The following DEPDC5 variants were observed in gnomAD, a reference collection of about 807,000 sequenced individuals.
DEPDC5 encodes GATOR1 complex protein DEPDC5.
In DEPDC5, 73 loss-of-function variants were observed where a neutral mutation model predicts 217.3. The ratio of observed to expected loss-of-function variants is 0.34; its 90% CI spans 0.28 to 0.41. The LOEUF (loss-of-function observed/expected upper bound fraction) is 0.41. Ranked by LOEUF, DEPDC5 falls within the 10% of genes least tolerant of loss-of-function variation. The pLI is 1.00. For synonymous variants in DEPDC5, 733 were observed against 756.7 expected, an observed-to-expected ratio of 0.97 and a Z score of 0.51; for missense variants, 1,675 against 2,070.1, an observed-to-expected ratio of 0.81 and a Z score of 3.70.
Position 31,815,852 on chromosome 22 carries a change from T to G in DEPDC5, c.1666+640T>G, listed in dbSNP as rs933435445. 3 of 1,128,264 alleles carry G rather than the reference T, an allele frequency of 2.7e-6. No individual in the cohort carries two copies. In the African/African-American group the frequency reaches 4.9e-5, roughly 18 times the overall value. 69.9% of individuals were successfully genotyped at this position (1,128,264 alleles called of 1,614,324 possible). On this transcript the variant is annotated intron_variant, in intron 21 of 42. Transcript: ENST00000651528. ...ACCCTGCCTCTATTATACTATTTTT[T>G]GTTTAGCCTTTCTTCATCCATCATT...
intron 14 of DEPDC5, among the ~76,000 whole-genome samples, chr22:31,799,178 G>A (rs912270510): frequency 3.3e-5 from 5 of 150,886 alleles, no homozygotes; most frequent in Admixed American, 3.3e-4. Context: ...TGAGTATCTG[G>A]GATTACAGGT....
chr22:31,828,622 A>G (rs1012050262), intron 24 of DEPDC5, among the ~76,000 whole-genome samples: 2 of 151,930 alleles, frequency 1.3e-5, no homozygotes, highest in African/African-American at 4.8e-5. Context: ...CTTTTTTTCA[A>G]AGACTTGGGT....
chr22:31,828,408 C>T (rs1038063049), intron 24 of DEPDC5, among the ~76,000 whole-genome samples: 3 of 142,700 alleles, frequency 2.1e-5, no homozygotes, highest in Admixed American at 7.5e-5. Flanking sequence ...GCCAAGGTCA[C>T]GCCATTGCAC....
chr22:31,811,346 A>G lies in DEPDC5; in HGVS notation c.1445+705A>G, dbSNP rs368471359. Among the ~76,000 whole-genome samples, 93 of 152,320 alleles carry G rather than the reference A, an allele frequency of 6.1e-4. 3 individuals are homozygous for G. The South Asian group carries it at 0.019, about 32-fold the overall frequency. On this transcript the variant is annotated intron_variant, in intron 20 of 42. Coordinates refer to ENST00000651528, the MANE Select transcript of DEPDC5 (RefSeq NM_001242896.3). ...CGGCCTCCCTAAGTGCTGGGATTACAGGTGTGAGCCACCATGCCTGGCTGG... is the reference window on the plus strand; with the variant it reads ...CGGCCTCCCTAAGTGCTGGGATTACGGGTGTGAGCCACCATGCCTGGCTGG...
At chr22:31,804,956 G>T in intron 17 of DEPDC5, 41 bp downstream of exon 17, 1 of 1,559,188 alleles carries the variant, frequency 6.4e-7, no homozygotes, top group South Asian at 1.2e-5. Context: ...TAAGCGTTTT[G>T]AACAGCTTCC....
chr22:31,758,542 T>C lies in DEPDC5; in HGVS notation c.59-4T>C. On this transcript the variant is annotated splice_region_variant and splice_polypyrimidine_tract_variant and intron_variant, in intron 2 of 42. Transcript: ENST00000651528. ...CTACTTGAAGTGGCTGAATTGTCTT[T>C]CAGATGATGAGCTAGTTGTGAACCC... The C allele has an allele frequency of 6.2e-7, 1 of 1,614,086 alleles. No homozygotes were observed. The highest frequency in any genetic ancestry group is 2.2e-5 in the East Asian group (1 of 44,884).
At chr22:31,850,249 A>G (rs1246195542) in intron 31 of DEPDC5, among the ~76,000 whole-genome samples, 3 of 151,876 alleles carry the variant, frequency 2.0e-5, no homozygotes, top group African/African-American at 4.8e-5. Context: ...GACATGATAC[A>G]TGATGTTATA....
chr22:31,902,762 T>A (rs1472513537), intron 41 of DEPDC5, among the ~76,000 whole-genome samples: 1 of 152,068 alleles, frequency 6.6e-6, no homozygotes. Flanking sequence ...GCCTCCATTT[T>A]CTTACCCCTC....
intron 10 of DEPDC5, 107 bp downstream of exon 10, chr22:31,784,982 A>G (rs1238767751): frequency 1.0e-6 from 1 of 954,574 alleles, no homozygotes; most frequent in East Asian, 2.6e-5. Flanking sequence ...TATTTTAGGT[A>G]AAACCCGGAC....
intron 33 of DEPDC5, among the ~76,000 whole-genome samples, chr22:31,866,006 A>T (rs551071977): frequency 6.6e-6 from 1 of 152,134 alleles, no homozygotes; most frequent in African/African-American, 2.4e-5. Flanking sequence ...CACAGTGGAG[A>T]GCTGGGCTGG....
intron 25 of DEPDC5, 175 bp downstream of exon 25, chr22:31,834,155 T>G (rs1167675989): frequency 1.4e-5 from 10 of 711,424 alleles, no homozygotes; most frequent in Non-Finnish European, 2.5e-5. Context: ...TGATGGAAAG[T>G]GAGGGGGTGT....
In DEPDC5 at chr22:31,897,783, A is replaced by G. The variant is rs2093579677; in HGVS notation, c.4375+130A>G. 11 of 1,081,780 alleles carry G rather than the reference A, an allele frequency of 1.0e-5. No homozygotes were observed. In the South Asian group the frequency reaches 1.6e-4, roughly 16 times the overall value. The allele number at this position is 1,081,780 out of a possible 1,614,324, so 67.0% of individuals were successfully genotyped here. On this transcript the variant is annotated intron_variant, in intron 40 of 42. Transcript: ENST00000651528. Reference sequence around the variant, plus strand: ...AGCCTTTCAACAAGGGGCCAAAAGGATCAAGGTTCTAAAGGATCCTGATTC... The same window carrying G: ...AGCCTTTCAACAAGGGGCCAAAAGGGTCAAGGTTCTAAAGGATCCTGATTC...
chr22:31,774,108 T>A (rs1010842388), intron 7 of DEPDC5, among the ~76,000 whole-genome samples: 6 of 151,642 alleles, frequency 4.0e-5, no homozygotes, highest in African/African-American at 9.7e-5. Flanking sequence ...CAACAAAAAA[T>A]ATATATATAG....
intron 9 of DEPDC5, chr22:31,784,473 A>T: frequency 4.4e-6 from 1 of 226,964 alleles, no homozygotes; most frequent in South Asian, 6.2e-5. Flanking sequence ...TACTAAAAAT[A>T]CAAAAATTAG....
At chr22:31,849,307 A>G (rs2149055800) in intron 31 of DEPDC5, among the ~76,000 whole-genome samples, 1 of 152,332 alleles carries the variant, frequency 6.6e-6, no homozygotes. Context: ...ACTAATAAAG[A>G]CATACCAGAG....
chr22:31,782,346 A>C (rs1166543682), intron 8 of DEPDC5, among the ~76,000 whole-genome samples: 1 of 152,096 alleles, frequency 6.6e-6, no homozygotes, highest in African/African-American at 2.4e-5. Flanking sequence ...CATGTTGGCC[A>C]GGCTGGTCTC....
Position 31,843,305 on chromosome 22 carries a change from A to C in DEPDC5, c.2633+93A>C. On this transcript the variant is annotated intron_variant, in intron 28 of 42. Transcript: ENST00000651528. Reference sequence around the variant, plus strand: ...TATAGTACATCATTCAAACTGAGGAAGTTCAGTGGTTGGTTTTTCTTTTGG... The same window carrying C: ...TATAGTACATCATTCAAACTGAGGACGTTCAGTGGTTGGTTTTTCTTTTGG... The C allele has an allele frequency of 3.8e-6, 5 of 1,298,744 alleles. No individual in the cohort carries two copies. The Admixed American group carries it at 1.1e-4, about 29-fold the overall frequency. The allele number at this position is 1,298,744 out of a possible 1,614,324, so 80.5% of individuals were successfully genotyped here.
intron 8 of DEPDC5, among the ~76,000 whole-genome samples, chr22:31,782,240 C>A (rs187569319): frequency 1.3e-5 from 2 of 151,306 alleles, no homozygotes; most frequent in East Asian, 3.9e-4. Flanking sequence ...CGGATTCAAG[C>A]GATTGTCCTG....
At chr22:31,769,366 A>ATT (rs1743827244) in intron 7 of DEPDC5, 1 of 151,932 alleles carries the variant, frequency 6.6e-6, no homozygotes, top group Non-Finnish European at 1.5e-5. Flanking sequence ...GCCCCCTGGC[A>ATT]TTCTGTAAAA....
Sources: gnomAD v4.1 joint callset for allele counts (sites outside exome capture counted in the v4.1 genomes callset) on GRCh38, gnomAD v4.1.1 for gene constraint, MANE v1.5 for transcripts, NCBI Gene and HGNC (gene_info 2026-07-23, HGNC 2026-07-21) for gene names.